Variants in TRIO observed in about 807,000 individuals in gnomAD.
TRIO encodes the protein triple functional domain protein.
Under a neutral mutation model 351.9 loss-of-function variants are expected in TRIO, and 58 were observed. The observed-to-expected ratio is 0.16, with a 90% CI of 0.13 to 0.21. The LOEUF (loss-of-function observed/expected upper bound fraction) is 0.21. TRIO is among the 10% of genes least tolerant of loss of function. TRIO has a pLI of 1.00. For missense variants in TRIO, 3,201 were observed against 4,027.8 expected (o/e 0.79, Z 5.56); for synonymous variants, 1,758 against 1,595.7 (o/e 1.10, Z -2.42).
At chr5:14,305,502 A>C (rs968662929) in intron 8 of TRIO, among the ~76,000 whole-genome samples, 3 of 152,234 alleles carry the variant, frequency 2.0e-5, no homozygotes, top group Non-Finnish European at 4.4e-5. Flanking sequence ...TTCTATGTTA[A>C]TATGAAAGAT....
In TRIO at chr5:14,485,179, A is replaced by G; in HGVS notation, c.6768A>G (p.Pro2256=). ...CCTTCATTTTGCATTCATCTAGTCC[A>G]AGTGTCCGGCAAACTTGGATCCATG... ...VETFILHSSS[P]SVRQTWIHEI... Residue 2256 remains proline (P), a synonymous_variant, in exon 47 of 57, where the codon CCA becomes CCG. Transcript: ENST00000344204. 6.3e-7 allele frequency: 1 copy of G among 1,590,914 alleles called. No individual in the cohort carries two copies. Among genetic ancestry groups the G allele is most frequent in the Non-Finnish European group, 8.6e-7 (1 of 1,161,636 alleles).
intron 1 of TRIO, among the ~76,000 whole-genome samples, chr5:14,202,715 G>T (rs866989123): frequency 2.7e-5 from 4 of 147,656 alleles, no homozygotes; most frequent in Middle Eastern, 3.4e-3. Flanking sequence ...CTCGTCTGCC[G>T]CCAAGACGTC....
chr5:14,399,232 T>G (rs1250118007), intron 30 of TRIO, 162 bp downstream of exon 30: 8 of 705,654 alleles, frequency 1.1e-5, no homozygotes, highest in Admixed American at 8.4e-5. Flanking sequence ...TGAAATTATT[T>G]CCCACCCTCA....
Position 14,508,675 on chromosome 5 carries a change from T to A in TRIO, c.*253T>A. 2.5e-6 allele frequency: 1 copy of A among 397,754 alleles called. No homozygotes were observed. 24.6% of individuals were successfully genotyped at this position (397,754 alleles called of 1,614,324 possible). On this transcript the variant is annotated 3_prime_UTR_variant, in exon 57 of 57. Coordinates refer to ENST00000344204, the MANE Select transcript of TRIO (RefSeq NM_007118.4). ...TATCACAGTATTTTATTCAGGTTTC[T>A]GCAAAAAAATAAAAAGATAACTTTT...
At position 14,291,226 on chromosome 5, in the gene TRIO, A is replaced by C; in HGVS notation, c.1051A>C (p.Lys351Gln). 6.2e-7 allele frequency: 1 copy of C among 1,611,982 alleles called. No individual in the cohort carries two copies. Among genetic ancestry groups the C allele is most frequent in the Non-Finnish European group, 8.5e-7 (1 of 1,178,568 alleles). Reference protein sequence around the residue: ...QLRLFEQDAEKMFDWITHNKG... With the variant: ...QLRLFEQDAEQMFDWITHNKG... ...GAGGCTGTTTGAACAGGATGCTGAG[A>C]AGGTAAAGACGGGGGAGGCTAATGC... Residue 351 changes from lysine to glutamine, a missense_variant and splice_region_variant, in exon 5 of 57, where the codon AAG becomes CAG. Lys to Gln is a moderately conservative substitution (Grantham distance 53). Around this residue, in one of 19 missense-constraint regions of TRIO, gnomAD observed 349 missense variants for 449.3 expected, o/e 0.78. Coordinates refer to ENST00000344204, the MANE Select transcript of TRIO (RefSeq NM_007118.4).
chr5:14,393,521 C>G (rs753077006), intron 27 of TRIO, among the ~76,000 whole-genome samples: 2 of 152,210 alleles, frequency 1.3e-5, no homozygotes, highest in Non-Finnish European at 2.9e-5. Context: ...ACAGCTTCCT[C>G]TCTTCTCCAG....
At chr5:14,324,371 G>A (rs1350959652) in intron 9 of TRIO, among the ~76,000 whole-genome samples, 1 of 152,072 alleles carries the variant, frequency 6.6e-6, no homozygotes, top group Non-Finnish European at 1.5e-5. Flanking sequence ...TCATTGTTTT[G>A]ACTTAAAACA....
intron 10 of TRIO, among the ~76,000 whole-genome samples, chr5:14,334,855 C>T (rs1471072882): frequency 1.3e-5 from 2 of 152,228 alleles, no homozygotes; most frequent in Non-Finnish European, 2.9e-5. Context: ...GCAGACCCTC[C>T]ACAGCAGAGC....
chr5:14,374,381 C>T (rs780626393), intron 19 of TRIO, 38 bp downstream of exon 19: 1 of 1,537,774 alleles, frequency 6.5e-7, no homozygotes, highest in Non-Finnish European at 8.9e-7. Flanking sequence ...TGGCCCAGTG[C>T]ATGCCTGGCA....
intron 1 of TRIO, among the ~76,000 whole-genome samples, chr5:14,182,543 A>G (rs962624587): frequency 3.3e-5 from 5 of 152,248 alleles, no homozygotes; most frequent in African/African-American, 9.6e-5. Flanking sequence ...CAATGACAGT[A>G]TCAATTCTAT....
intron 10 of TRIO, among the ~76,000 whole-genome samples, chr5:14,333,691 C>A (rs1247404420): frequency 6.6e-6 from 1 of 152,148 alleles, no homozygotes; most frequent in East Asian, 1.9e-4. Context: ...GAGAAACAGC[C>A]CTGCAGCCAA....
Position 14,322,936 on chromosome 5 carries a change from G to A in TRIO, c.1731+6193G>A, listed in dbSNP as rs573283374. On this transcript the variant is annotated intron_variant, in intron 9 of 56. Transcript: ENST00000344204. ...TAGAGGCCACCTGCTGATCTTCCTG[G>A]TGGGTCTAGAGCCAGCTCCTAATTA... Among the ~76,000 whole-genome samples, 5 of 152,278 alleles carry A rather than the reference G, an allele frequency of 3.3e-5. No individual in the cohort carries two copies. The South Asian group carries it at 6.2e-4, about 19-fold the overall frequency.
At position 14,291,093 on chromosome 5, in the gene TRIO, C is replaced by T. The variant is rs900118331; in HGVS notation, c.918C>T (p.Asn306=). The change falls in exon 5 of 57, where the codon AAC becomes AAT. Residue 306 remains asparagine, a synonymous_variant. Transcript: ENST00000344204. The part of the protein sequence containing the change: ...NSGSGNADLQ[N]LLPKVSTMLD... ...GCTCAGGCAATGCGGACCTGCAGAA[C>T]CTCTTGCCCAAGGTGTCCACCATGC... 3.5e-5 allele frequency: 57 copies of T among 1,614,114 alleles called. No individual in the cohort carries two copies. Among genetic ancestry groups the T allele is most frequent in the Non-Finnish European group, 4.8e-5 (57 of 1,180,054 alleles).
At chr5:14,439,739 G>A (rs777438723) in intron 34 of TRIO, among the ~76,000 whole-genome samples, 11 of 152,170 alleles carry the variant, frequency 7.2e-5, no homozygotes, top group South Asian at 2.1e-4. Context: ...TCACGGGACC[G>A]TTTAAAGGGA....
intron 1 of TRIO, among the ~76,000 whole-genome samples, chr5:14,149,035 C>G (rs891406064): frequency 1.3e-5 from 2 of 152,210 alleles, no homozygotes; most frequent in South Asian, 4.1e-4. Flanking sequence ...GGAATTCTGG[C>G]TGCTGTTACT....
In TRIO at chr5:14,507,971, A is replaced by G. The variant is rs922435466; in HGVS notation, c.8843A>G (p.Tyr2948Cys). The G allele has an allele frequency of 6.2e-6, 10 of 1,614,098 alleles. No individual in the cohort carries two copies. The African/African-American group carries it at 6.7e-5, about 11-fold the overall frequency. The part of the protein sequence containing the change: ...GDAVQLNTTY[Y>C]IHQLLGNPEF... ...GCTGTTCAGCTCAACACGACCTACT[A>G]CATCCACCAGTTACTGGGGAACCCT... is the stretch of plus-strand genomic sequence containing the variant. Residue 2948 changes from tyrosine to cysteine, a missense_variant, in exon 57 of 57, where the codon TAC becomes TGC. This residue lies in a region of TRIO where 233 missense variants were observed against 292.6 expected (regional missense o/e 0.80). Coordinates refer to ENST00000344204, the MANE Select transcript of TRIO (RefSeq NM_007118.4).
At chr5:14,356,482 T>C (rs1404833759) in intron 11 of TRIO, among the ~76,000 whole-genome samples, 2 of 152,192 alleles carry the variant, frequency 1.3e-5, no homozygotes, top group Admixed American at 6.5e-5. Context: ...ACATCAGTTA[T>C]TGGTGAGGAA....
intron 1 of TRIO, among the ~76,000 whole-genome samples, chr5:14,236,802 C>T (rs193108637): frequency 4.6e-5 from 7 of 152,234 alleles, no homozygotes; most frequent in East Asian, 1.9e-4. Context: ...CAGCCATCAT[C>T]GCCAGAAAGA....
intron 11 of TRIO, among the ~76,000 whole-genome samples, chr5:14,350,487 G>A (rs1481274540): frequency 6.6e-6 from 1 of 152,188 alleles, no homozygotes; most frequent in African/African-American, 2.4e-5. Context: ...TGTTCCGTCT[G>A]TGAGCTTTGG....
Sources: gnomAD v4.1 joint callset for allele counts (sites outside exome capture counted in the v4.1 genomes callset) on GRCh38, gnomAD v4.1.1 for gene constraint, gnomAD v4.1.1 regional missense constraint, MANE v1.5 for transcripts, NCBI Gene and HGNC (gene_info 2026-07-23, HGNC 2026-07-21) for gene names.